NUCB2: variants seen among roughly 807,000 people sequenced by gnomAD.
The protein encoded by NUCB2 is nucleobindin-2.
A neutral mutation model predicts 57.9 loss-of-function variants in NUCB2; 48 were observed. The observed-to-expected ratio is 0.83, with a 90% CI of 0.66 to 1.05. The LOEUF is 1.05. NUCB2 is among the 50% of genes least tolerant of loss of function. The probability of loss-of-function intolerance (pLI) is 0.00; values close to 1 mark genes in which losing one functional copy is unlikely to be tolerated. For missense variants in NUCB2, 442 were observed against 476.2 expected (o/e 0.93, Z 0.67); for synonymous variants, 139 against 152.1 (o/e 0.91, Z 0.64).
At chr11:17,346,002 A>G (rs1263977035) in intron 2 of NUCB2, among the ~76,000 whole-genome samples, 1 of 152,124 alleles carries the variant, frequency 6.6e-6, no homozygotes, top group East Asian at 1.9e-4. Context: ...CGTTGTTTGT[A>G]TAGGTTTATT....
intron 2 of NUCB2, among the ~76,000 whole-genome samples, chr11:17,341,019 C>T (rs1481378107): frequency 5.3e-5 from 8 of 151,938 alleles, no homozygotes; most frequent in South Asian, 2.1e-4. Context: ...TTGTAATTCT[C>T]GAAGAGGTCC....
intron 2 of NUCB2, 144 bp from the exon 3 acceptor site, chr11:17,295,180 T>G (rs780161672): frequency 1.7e-6 from 1 of 599,596 alleles, no homozygotes; most frequent in Non-Finnish European, 2.7e-6. Context: ...CAAGTTTTAA[T>G]CTATTCTTTC....
At chr11:17,338,634 T>G (rs1017034754) in intron 2 of NUCB2, among the ~76,000 whole-genome samples, 1 of 152,178 alleles carries the variant, frequency 6.6e-6, no homozygotes, top group Non-Finnish European at 1.5e-5. Flanking sequence ...ATTCTTATAA[T>G]TTTGGCTACT....
chr11:17,347,934 T>G (rs1315031608), intron 2 of NUCB2, among the ~76,000 whole-genome samples: 1 of 152,238 alleles, frequency 6.6e-6, no homozygotes, highest in Non-Finnish European at 1.5e-5. Flanking sequence ...CTCATGCTGT[T>G]GGAAACTTTT....
chr11:17,315,126 T>C (rs961538778), intron 10 of NUCB2, among the ~76,000 whole-genome samples: 4 of 152,198 alleles, frequency 2.6e-5, no homozygotes, highest in African/African-American at 4.8e-5. Context: ...TGAAACTTAA[T>C]GGTTTTGTGG....
intron 2 of NUCB2, among the ~76,000 whole-genome samples, chr11:17,283,930 T>A (rs1336562072): frequency 3.3e-5 from 5 of 152,220 alleles, no homozygotes; most frequent in African/African-American, 1.2e-4. Context: ...TCCTTTCTTC[T>A]TTTTTTAACC....
At chr11:17,305,349 CAAGT>C (rs1947455738) in intron 5 of NUCB2, among the ~76,000 whole-genome samples, 1 of 151,792 alleles carries the variant, frequency 6.6e-6, no homozygotes, top group African/African-American at 2.4e-5. Flanking sequence ...AAAAAGAACA[CAAGT>C]AAGAAAACTT....
At chr11:17,319,520 A>G (rs1177257092) in intron 11 of NUCB2, among the ~76,000 whole-genome samples, 5 of 152,228 alleles carry the variant, frequency 3.3e-5, no homozygotes, top group Non-Finnish European at 7.3e-5. Flanking sequence ...GTCTTGTCAG[A>G]TGACAGAGCA....
At chr11:17,284,716 A>C (rs1190213594) in intron 2 of NUCB2, among the ~76,000 whole-genome samples, 1 of 138,300 alleles carries the variant, frequency 7.2e-6, no homozygotes, top group Non-Finnish European at 1.6e-5. Flanking sequence ...AGTTTTTAAG[A>C]GACATTTAAC....
Position 17,307,355 on chromosome 11 carries a change from T to C in NUCB2, c.380-2217T>C, listed in dbSNP as rs147291653. 5.5e-3 allele frequency among the ~76,000 whole-genome samples: 838 copies of C among 152,232 alleles called. 8 individuals carry two copies. The highest frequency in any genetic ancestry group is 0.019 in the African/African-American group (782 of 41,560). ...AAATAATTGAGATGACGTTTTGCTATGTTGTCCAGGCTGGTCTTGTACTCC... is the reference window on the plus strand; with the variant it reads ...AAATAATTGAGATGACGTTTTGCTACGTTGTCCAGGCTGGTCTTGTACTCC... On this transcript the variant is annotated intron_variant, in intron 5 of 13. Transcript: ENST00000529010.
At chr11:17,316,700 A>G (rs1316108468) in intron 11 of NUCB2, among the ~76,000 whole-genome samples, 1 of 152,264 alleles carries the variant, frequency 6.6e-6, no homozygotes, top group Non-Finnish European at 1.5e-5. Flanking sequence ...ATGAATGCAT[A>G]GACAACTTGA....
At position 17,288,755 on chromosome 11, in the gene NUCB2, A is replaced by G. The variant is rs573113072; in HGVS notation, c.-1+5812A>G. Among the ~76,000 whole-genome samples the G allele has an allele frequency of 2.3e-3, 343 of 150,168 alleles. 2 individuals carry two copies. The highest frequency in any genetic ancestry group is 8.0e-3 in the African/African-American group (325 of 40,780). On this transcript the variant is annotated intron_variant, in intron 2 of 13. Coordinates refer to ENST00000529010, the MANE Select transcript of NUCB2 (RefSeq NM_005013.4). The stretch of plus-strand genomic sequence containing the variant: ...TTTTTAGTAGAGATGGGGTTTCGCC[A>G]TGTTGGCCAGGCTGGTTGCAAACCC...
intron 2 of NUCB2, among the ~76,000 whole-genome samples, chr11:17,348,359 G>T: frequency 9.1e-6 from 1 of 110,466 alleles, no homozygotes; most frequent in Non-Finnish European, 1.7e-5. Context: ...TTTGGAGACA[G>T]AGTCTCACTC....
chr11:17,322,363 G>T (rs1950138937), intron 11 of NUCB2, among the ~76,000 whole-genome samples: 1 of 152,074 alleles, frequency 6.6e-6, no homozygotes, highest in Non-Finnish European at 1.5e-5. Context: ...TTTCCCCAAT[G>T]TATGTTCTTG....
chr11:17,281,809 A>G (rs1042268288), intron 1 of NUCB2, among the ~76,000 whole-genome samples: 16 of 152,146 alleles, frequency 1.1e-4, no homozygotes, highest in Non-Finnish European at 2.9e-5. Context: ...TACCATATGT[A>G]AAACAAGAAA....
intron 10 of NUCB2, among the ~76,000 whole-genome samples, chr11:17,313,297 T>C (rs902143552): frequency 6.6e-6 from 1 of 151,832 alleles, no homozygotes; most frequent in African/African-American, 2.4e-5. Context: ...TGGGAGGCCG[T>C]GGCAGGTGGA....
At chr11:17,307,695 A>G (rs189693770) in intron 5 of NUCB2, among the ~76,000 whole-genome samples, 6 of 152,258 alleles carry the variant, frequency 3.9e-5, no homozygotes, top group Non-Finnish European at 7.3e-5. Context: ...GCCCGTGTCA[A>G]TTGACATTTA....
chr11:17,312,511 C>A (rs1049395152), intron 10 of NUCB2, among the ~76,000 whole-genome samples: 2 of 151,740 alleles, frequency 1.3e-5, no homozygotes, highest in Non-Finnish European at 2.9e-5. Flanking sequence ...TCAAGCAATT[C>A]TCTGCCTCAG....
At chr11:17,311,740 TA>T in intron 8 of NUCB2, 131 bp from the exon 9 acceptor site, 1 of 566,916 alleles carries the variant, frequency 1.8e-6, no homozygotes, top group Non-Finnish European at 3.1e-6. Flanking sequence ...TGACAAAGAA[TA>T]AATGCTTTTC....
Sources: allele counts gnomAD v4.1 joint callset (sites outside exome capture counted in the v4.1 genomes callset), GRCh38; gene constraint gnomAD v4.1.1; transcripts MANE v1.5; gene names NCBI Gene and HGNC (gene_info 2026-07-23, HGNC 2026-07-21).